Variants in DCAF8L2 observed in about 807,000 individuals in gnomAD.
The protein encoded by DCAF8L2 is DDB1 and CUL4 associated factor 8 like 2.
For missense variants in DCAF8L2, 430 were observed against 490.7 expected (o/e 0.88, Z 1.17); for synonymous variants, 200 against 190.9 (o/e 1.05, Z -0.39).
chrX:27,484,088 T>C, the DCAF8L2 span, among the ~76,000 whole-genome samples: 1 of 111,618 alleles, frequency 9.0e-6, no homozygotes, highest in African/African-American at 3.2e-5. Flanking sequence ...TTAAAGGATT[T>C]GAGTATCTTA....
At chrX:27,704,788 T>C (rs1264507093) in intron 3 of DCAF8L2, among the ~76,000 whole-genome samples, 1 of 111,612 alleles carries the variant, frequency 9.0e-6, no homozygotes, top group Non-Finnish European at 1.9e-5. Context: ...TGCAATAAAA[T>C]AAATTTCAAA....
intron 2 of DCAF8L2, among the ~76,000 whole-genome samples, chrX:27,663,174 CAT>C (rs1929617308): frequency 9.0e-6 from 1 of 111,719 alleles, no homozygotes; most frequent in African/African-American, 3.3e-5. Context: ...AATGGTATCC[CAT>C]AGAGTGAAAG....
the DCAF8L2 span, among the ~76,000 whole-genome samples, chrX:27,502,329 A>T: frequency 7.5e-4 from 24 of 32,091 alleles, no homozygotes; most frequent in African/African-American, 2.7e-3. Flanking sequence ...AAAAAAAAAA[A>T]AAAAAAATAT....
At chrX:27,507,125 C>T in the DCAF8L2 span, among the ~76,000 whole-genome samples, 1 of 111,639 alleles carries the variant, frequency 9.0e-6, no homozygotes, top group Non-Finnish European at 1.9e-5. Context: ...CCTATTTTAC[C>T]TGAAATATTT....
the DCAF8L2 span, among the ~76,000 whole-genome samples, chrX:27,550,791 A>G: frequency 9.3e-6 from 1 of 107,067 alleles, no homozygotes; most frequent in Non-Finnish European, 1.9e-5. Flanking sequence ...TACAGGCATA[A>G]CAATATTTTA....
chrX:27,543,272 T>C, the DCAF8L2 span, among the ~76,000 whole-genome samples: 1 of 112,278 alleles, frequency 8.9e-6, no homozygotes, highest in East Asian at 2.8e-4. Context: ...TTGTCTACTT[T>C]GTTGAAGATC....
At chrX:27,502,232 A>G in the DCAF8L2 span, among the ~76,000 whole-genome samples, 5 of 97,987 alleles carry the variant, frequency 5.1e-5, no homozygotes, top group African/African-American at 7.4e-5. Context: ...GAGGCAGGAG[A>G]ATTGCTTGAA....
At chrX:27,730,956 A>G (rs1921159026) in intron 4 of DCAF8L2, among the ~76,000 whole-genome samples, 1 of 111,434 alleles carries the variant, frequency 9.0e-6, no homozygotes, top group Admixed American at 9.6e-5. Context: ...ATCACTGTTC[A>G]AGCCTTTGAC....
chrX:27,507,233 C>T, the DCAF8L2 span, among the ~76,000 whole-genome samples: 1 of 111,905 alleles, frequency 8.9e-6, no homozygotes, highest in East Asian at 2.8e-4. Context: ...CCAAAAGAAG[C>T]ACTTAAAAAT....
intron 2 of DCAF8L2, among the ~76,000 whole-genome samples, chrX:27,667,308 T>A (rs1929776006): frequency 8.9e-6 from 1 of 112,037 alleles, no homozygotes. Flanking sequence ...AAACACACCT[T>A]TTCTTGTCTG....
At chrX:27,689,173 A>C (rs1363464217) in intron 3 of DCAF8L2, among the ~76,000 whole-genome samples, 2 of 112,615 alleles carry the variant, frequency 1.8e-5, no homozygotes, top group Non-Finnish European at 1.9e-5. Context: ...GTTTTATTGA[A>C]TGAATGTACA....
chrX:27,521,542 C>T, the DCAF8L2 span, among the ~76,000 whole-genome samples: 4 of 112,012 alleles, frequency 3.6e-5, no homozygotes, highest in Non-Finnish European at 5.6e-5. Flanking sequence ...CTATGGAGAA[C>T]GCTGTGAAAT....
chrX:27,496,957 G>T, the DCAF8L2 span, among the ~76,000 whole-genome samples: 1 of 112,100 alleles, frequency 8.9e-6, no homozygotes, highest in African/African-American at 3.2e-5. Flanking sequence ...AATGTCAAAA[G>T]GTTATTTTCT....
At chrX:27,558,112 A>T in the DCAF8L2 span, among the ~76,000 whole-genome samples, 1 of 111,318 alleles carries the variant, frequency 9.0e-6, no homozygotes, top group Admixed American at 9.6e-5. Flanking sequence ...GTGCCTGGTC[A>T]CTCTGCCCTT....
At chrX:27,590,991 T>TTATATATATATATA (rs10571931) in intron 1 of DCAF8L2, among the ~76,000 whole-genome samples, 6,071 of 67,698 alleles carry the variant, frequency 0.09, 409 homozygotes, top group South Asian at 0.13. Context: ...CCTTTACATT[T>TTATATATATATATA]TATATATATA....
chrX:27,560,957 T>C, the DCAF8L2 span, among the ~76,000 whole-genome samples: 1 of 112,388 alleles, frequency 8.9e-6, no homozygotes, highest in East Asian at 2.8e-4. Flanking sequence ...AGTATGGAAC[T>C]GTTGCAGAGC....
intron 1 of DCAF8L2, among the ~76,000 whole-genome samples, chrX:27,592,245 A>G (rs1441337023): frequency 1.8e-5 from 2 of 111,931 alleles, no homozygotes; most frequent in African/African-American, 6.5e-5. Flanking sequence ...CAGCTCTGCC[A>G]TCTGGCATCC....
chrX:27,586,217 T>C (rs1050226574), upstream of DCAF8L2, among the ~76,000 whole-genome samples: 1 of 111,255 alleles, frequency 9.0e-6, no homozygotes, highest in Non-Finnish European at 1.9e-5. Flanking sequence ...CTGTTATATA[T>C]TGCTGGAAAG....
At chrX:27,598,346 C>A (rs191737475) in intron 1 of DCAF8L2, among the ~76,000 whole-genome samples, 1 of 109,418 alleles carries the variant, frequency 9.1e-6, no homozygotes, top group East Asian at 2.9e-4. Context: ...TGTAATATAA[C>A]CCCCCCCACC....
Sources: allele counts gnomAD v4.1 joint callset (sites outside exome capture counted in the v4.1 genomes callset), GRCh38; gene constraint gnomAD v4.1.1; transcripts MANE v1.5; gene names NCBI Gene and HGNC (gene_info 2026-07-23, HGNC 2026-07-21).